MED16: variants seen among roughly 807,000 people sequenced by gnomAD.
MED16 encodes the protein mediator of RNA polymerase II transcription subunit 16.
MED16 carries 81 observed loss-of-function variants against 84.4 expected under a neutral mutation model. The observed-to-expected ratio is 0.96, with a 90% CI of 0.80 to 1.15. The LOEUF is 1.15. Ranked by LOEUF, MED16 falls within the 50% of genes most tolerant of loss-of-function variation. MED16 has a pLI of 0.00. For missense variants in MED16, 1,585 were observed against 1,245.9 expected (o/e 1.27, Z -4.10); for synonymous variants, 897 against 552.2 (o/e 1.62, Z -8.76).
At chr19:870,133 G>A (rs1160024897) in intron 13 of MED16, among the ~76,000 whole-genome samples, 2 of 152,170 alleles carry the variant, frequency 1.3e-5, no homozygotes, top group Non-Finnish European at 2.9e-5. Context: ...GCAGGGCCCT[G>A]GGCCATATGC....
intron 6 of MED16, among the ~76,000 whole-genome samples, chr19:883,116 C>A (rs1278323401): frequency 1.3e-5 from 2 of 152,260 alleles, no homozygotes; most frequent in East Asian, 3.8e-4. Flanking sequence ...CTCCATCCAA[C>A]TGACGGCTGC....
At chr19:892,185 G>C (rs1333396989) in intron 1 of MED16, among the ~76,000 whole-genome samples, 1 of 152,048 alleles carries the variant, frequency 6.6e-6, no homozygotes, top group African/African-American at 2.4e-5. Flanking sequence ...GGAATCACCC[G>C]CAACCAGGTT....
At chr19:882,467 T>C (rs1381797613) in intron 6 of MED16, among the ~76,000 whole-genome samples, 1 of 152,126 alleles carries the variant, frequency 6.6e-6, no homozygotes, top group African/African-American at 2.4e-5. Flanking sequence ...GAGGCTGCAG[T>C]GAGCCAAGAT....
chr19:877,451 G>C (rs2145215036), intron 8 of MED16, among the ~76,000 whole-genome samples: 1 of 152,286 alleles, frequency 6.6e-6, no homozygotes, highest in South Asian at 2.1e-4. Context: ...TACCTGAGGA[G>C]TCTACCCCGT....
intron 12 of MED16, 145 bp downstream of exon 12, chr19:871,767 CGGGGAGAGGGGAGA>C (rs758330092): frequency 4.2e-5 from 7 of 166,014 alleles, no homozygotes; most frequent in African/African-American, 2.3e-4. Context: ...GAGAGGGGAG[CGGGGAGAGGGGAGA>C]GGGGAGAGCG....
rs2036065183 is a variant in MED16 at position 871,753 on chromosome 19, TAGGGAGAGGGGAGCGGGGAGA to T, written c.2098+152_2098+172del. On this transcript the variant is annotated intron_variant, in intron 12 of 15. Coordinates refer to ENST00000325464, the MANE Select transcript of MED16 (RefSeq NM_005481.3). ...GGCTCAGGCAGGACTTGTGTTTTGG[TAGGGAGAGGGGAGCGGGGAGA>T]GGGGAGAGGGGAGAGCGGGGAGAAG... The T allele has an allele frequency of 1.3e-5, 5 of 378,006 alleles. No homozygotes were observed. In the East Asian group the frequency reaches 2.2e-4, roughly 16 times the overall value. 23.4% of individuals were successfully genotyped at this position (378,006 alleles called of 1,614,324 possible).
intron 2 of MED16, chr19:890,535 G>A (rs987512450): frequency 4.5e-5 from 17 of 380,622 alleles, no homozygotes; most frequent in Admixed American, 1.3e-4. Flanking sequence ...TTTGCACCCC[G>A]ATTTGATTCC....
intron 8 of MED16, among the ~76,000 whole-genome samples, chr19:879,222 C>T: frequency 6.6e-6 from 1 of 151,760 alleles, no homozygotes; most frequent in Non-Finnish European, 1.5e-5. Context: ...TGTCAATGCC[C>T]ACCAAGCCGA....
chr19:868,269 G>C lies in MED16; in HGVS notation c.2484-18C>G, dbSNP rs201908083. The C allele has an allele frequency of 5.7e-6, 9 of 1,591,034 alleles. No homozygotes were observed. Among genetic ancestry groups the C allele is most frequent in the East Asian group, 2.3e-5 (1 of 43,998 alleles). On this transcript the variant is annotated intron_variant, in intron 15 of 15. Coordinates refer to ENST00000325464, the MANE Select transcript of MED16 (RefSeq NM_005481.3). ...CAACAGCCCTGCAGGGCGGGCTGAGGTTAACCGCGCCGAGGAGAGTCCAGG... is the reference window on the plus strand; with the variant it reads ...CAACAGCCCTGCAGGGCGGGCTGAGCTTAACCGCGCCGAGGAGAGTCCAGG...
intron 11 of MED16, chr19:872,830 G>A (rs959036676): frequency 1.4e-4 from 56 of 413,116 alleles, no homozygotes; most frequent in Admixed American, 5.2e-4. Context: ...TTCGTGTAGG[G>A]GTGGGGCTGA....
chr19:877,566 G>A (rs1407175662), intron 8 of MED16, among the ~76,000 whole-genome samples: 1 of 90,754 alleles, frequency 1.1e-5, no homozygotes, highest in Non-Finnish European at 2.5e-5. Context: ...CACAGACAAG[G>A]CAGCGCAGGC....
intron 8 of MED16, among the ~76,000 whole-genome samples, chr19:878,963 C>T (rs1599330945): frequency 6.6e-6 from 1 of 150,462 alleles, no homozygotes; most frequent in African/African-American, 2.4e-5. Context: ...GCTCCACGTG[C>T]CCCAGCAGCT....
chr19:869,317 A>G (rs1490004856), intron 13 of MED16, among the ~76,000 whole-genome samples: 2 of 152,020 alleles, frequency 1.3e-5, no homozygotes, highest in Non-Finnish European at 2.9e-5. Context: ...AGAAGCAGGT[A>G]CATGGGGACT....
At chr19:880,336 G>A (rs906729885) in intron 7 of MED16, among the ~76,000 whole-genome samples, 188 bp from the exon 8 acceptor site, 9 of 152,252 alleles carry the variant, frequency 5.9e-5, no homozygotes, top group South Asian at 2.1e-4. Flanking sequence ...CTGAGCACCA[G>A]GGGAGCAGGA....
At chr19:869,139 A>AC (rs962818547) in intron 13 of MED16, among the ~76,000 whole-genome samples, 193 bp from the exon 14 acceptor site, 58 of 146,712 alleles carry the variant, frequency 4.0e-4, no homozygotes, top group Admixed American at 7.4e-4. Context: ...AGGGGGCGGG[A>AC]CCCCCCACAC....
Position 875,259 on chromosome 19 carries a change from TGGTGCAGATCTC to T in MED16, c.1744_1755del (p.Glu582_Thr585del). On this transcript the variant is annotated inframe_deletion, in exon 10 of 16. Coordinates refer to ENST00000325464, the MANE Select transcript of MED16 (RefSeq NM_005481.3). ...AAGGACCCACCGACGTCGGTGATCT[TGGTGCAGATCTC>T]GGTCAGCCGGTCGCCGGGGCTCTTG... 1 of 1,610,226 alleles carries T rather than the reference TGGTGCAGATCTC, an allele frequency of 6.2e-7. No homozygotes were observed. The highest frequency in any genetic ancestry group is 8.5e-7 in the Non-Finnish European group (1 of 1,178,788).
chr19:869,516 C>T (rs1466634295), intron 13 of MED16, among the ~76,000 whole-genome samples: 1 of 152,140 alleles, frequency 6.6e-6, no homozygotes, highest in Non-Finnish European at 1.5e-5. Context: ...CGTAACCGTC[C>T]TCTCTTTCCA....
At chr19:880,217 T>C (rs2145227881) in intron 7 of MED16, 69 bp from the exon 8 acceptor site, 3 of 1,436,792 alleles carry the variant, frequency 2.1e-6, no homozygotes, top group African/African-American at 1.5e-5. Context: ...AGGGGCCTCC[T>C]GCTCTGCAGG....
chr19:872,196 G>A (rs1017918059), intron 11 of MED16, 78 bp from the exon 12 acceptor site: 44 of 1,288,910 alleles, frequency 3.4e-5, no homozygotes, highest in Middle Eastern at 2.1e-4. Flanking sequence ...GGGGTCGGTG[G>A]AACCCCGACC....
Sources: gnomAD v4.1 joint callset for allele counts (sites outside exome capture counted in the v4.1 genomes callset) on GRCh38, gnomAD v4.1.1 for gene constraint, MANE v1.5 for transcripts, NCBI Gene and HGNC (gene_info 2026-07-23, HGNC 2026-07-21) for gene names.